SCMH1: variants seen among roughly 807,000 people sequenced by gnomAD.
SCMH1 encodes polycomb protein SCMH1.
A neutral mutation model predicts 70.8 loss-of-function variants in SCMH1; 37 were observed. That is an observed-to-expected ratio of 0.52 (90% CI 0.40 to 0.69). The LOEUF (loss-of-function observed/expected upper bound fraction) is 0.69, where lower values mean the gene tolerates loss of function less well. Among genes scored for constraint, SCMH1 ranks in the 30% least tolerant of loss-of-function variants. SCMH1 has a pLI of 0.00. For synonymous variants in SCMH1, 292 were observed against 307.4 expected (o/e 0.95, Z 0.52); for missense variants, 607 against 827.3 (o/e 0.73, Z 3.27).
rs191967048 is a variant in SCMH1 at position 41,192,062 on chromosome 1, G to A, written c.-117-5812C>T. ...CTTTCTGGTCTCATCAAGGTTAAAC[G>A]CAATGACTGACTATATAATGTATCT... On this transcript the variant is annotated intron_variant, in intron 1 of 14. Coordinates refer to ENST00000337495, the Ensembl canonical transcript of SCMH1. Among the ~76,000 whole-genome samples, 11 of 152,164 alleles carry A rather than the reference G, an allele frequency of 7.2e-5. No homozygotes were observed. The East Asian group carries it at 1.5e-3, about 21-fold the overall frequency.
In SCMH1 at chr1:41,211,261, C is replaced by T. The variant is rs150985812; in HGVS notation, c.-117-25011G>A. ...AGAATGGGAGAAAATTTCTGCAATC[C>T]GTCCATCTGACAAAGGGCTAATATA... On this transcript the variant is annotated intron_variant, in intron 1 of 14. Coordinates refer to ENST00000337495, the Ensembl canonical transcript of SCMH1. Among the ~76,000 whole-genome samples the T allele has an allele frequency of 8.7e-3, 1,320 of 152,190 alleles. 20 individuals carry two copies. The highest frequency in any genetic ancestry group is 0.029 in the African/African-American group (1,189 of 41,490).
intron 1 of SCMH1, among the ~76,000 whole-genome samples, chr1:41,220,574 T>C (rs1450996645): frequency 6.6e-6 from 1 of 152,178 alleles, no homozygotes; most frequent in Non-Finnish European, 1.5e-5. Flanking sequence ...CTCACCTGGA[T>C]AGGAAACGAG....
chr1:41,073,542 G>A (rs1177632448), intron 9 of SCMH1, among the ~76,000 whole-genome samples: 3 of 152,114 alleles, frequency 2.0e-5, no homozygotes, highest in African/African-American at 7.2e-5. Flanking sequence ...TGTTACACAG[G>A]AAGATCAGGA....
chr1:41,219,757 G>A (rs745483662), intron 1 of SCMH1, among the ~76,000 whole-genome samples: 4 of 151,926 alleles, frequency 2.6e-5, no homozygotes, highest in Admixed American at 6.6e-5. Context: ...CGGCGAAACC[G>A]TCCCTACTAA....
chr1:41,212,867 CTCTG>C (rs1299953396), intron 1 of SCMH1, among the ~76,000 whole-genome samples: 2 of 151,808 alleles, frequency 1.3e-5, no homozygotes, highest in African/African-American at 2.4e-5. Flanking sequence ...CAAAGTGAGA[CTCTG>C]TCTGGAGGGA....
chr1:41,074,742 A>G (rs961884580), intron 9 of SCMH1, among the ~76,000 whole-genome samples: 1 of 152,172 alleles, frequency 6.6e-6, no homozygotes, highest in African/African-American at 2.4e-5. Flanking sequence ...ACCAACTCTC[A>G]GGTAAGTAGC....
chr1:41,087,982 G>A (rs1662254083), intron 8 of SCMH1, among the ~76,000 whole-genome samples: 1 of 109,052 alleles, frequency 9.2e-6, no homozygotes. Context: ...TTATGCAATG[G>A]TAGCATTATT....
At chr1:41,199,209 T>C (rs1416619069) in intron 1 of SCMH1, among the ~76,000 whole-genome samples, 2 of 152,190 alleles carry the variant, frequency 1.3e-5, no homozygotes, top group Non-Finnish European at 2.9e-5. Context: ...ATCATAAGTA[T>C]ACAAGCTTAG....
chr1:41,129,313 C>T (rs1197606649), intron 6 of SCMH1, among the ~76,000 whole-genome samples: 1 of 152,138 alleles, frequency 6.6e-6, no homozygotes, highest in African/African-American at 2.4e-5. Flanking sequence ...AGGACATTTT[C>T]ATTTTCCCCA....
intron 8 of SCMH1, among the ~76,000 whole-genome samples, chr1:41,099,626 A>G (rs1034343738): frequency 6.6e-6 from 1 of 152,190 alleles, no homozygotes; most frequent in African/African-American, 2.4e-5. Flanking sequence ...AACCTCTTTA[A>G]GTTATGGGTT....
chr1:41,175,031 C>T (rs192186238), intron 2 of SCMH1, among the ~76,000 whole-genome samples: 79 of 152,282 alleles, frequency 5.2e-4, no homozygotes, highest in African/African-American at 1.9e-3. Context: ...GAGTTGAAAA[C>T]GAGTACTTGT....
chr1:41,069,411 T>G (rs1051764273), intron 10 of SCMH1, among the ~76,000 whole-genome samples: 10 of 152,210 alleles, frequency 6.6e-5, no homozygotes, highest in African/African-American at 2.2e-4. Flanking sequence ...TGATTGCCCC[T>G]GGGGAATAGT....
intron 10 of SCMH1, among the ~76,000 whole-genome samples, chr1:41,060,640 T>C (rs539362767): frequency 2.0e-5 from 3 of 152,200 alleles, no homozygotes; most frequent in Admixed American, 6.5e-5. Flanking sequence ...TTATGACCTT[T>C]TTTTAAATTT....
At chr1:41,035,976 C>T (rs1645242486) in intron 13 of SCMH1, among the ~76,000 whole-genome samples, 2 of 152,192 alleles carry the variant, frequency 1.3e-5, no homozygotes, top group South Asian at 4.1e-4. Flanking sequence ...TCTCTGTAGT[C>T]CTGGCCACCA....
intron 1 of SCMH1, among the ~76,000 whole-genome samples, chr1:41,236,741 A>G (rs892241804): frequency 1.3e-5 from 2 of 151,990 alleles, no homozygotes; most frequent in African/African-American, 4.8e-5. Context: ...AGATTATAAA[A>G]CCTAACACAA....
Position 41,113,547 on chromosome 1 carries a change from T to C in SCMH1, c.502-21A>G, listed in dbSNP as rs1669738717. ...GGCTCCTAGATGAGAAACAGAAACATACACACCTAGACACAAAGAGAGGCC... is the reference window on the plus strand; with the variant it reads ...GGCTCCTAGATGAGAAACAGAAACACACACACCTAGACACAAAGAGAGGCC... On this transcript the variant is annotated intron_variant, in intron 7 of 14. Transcript: ENST00000337495. This position sits in a 1 kb window ranked among gnomAD's most constrained non-coding sequence, Gnocchi z 4.3. 3.1e-6 allele frequency: 5 copies of C among 1,605,476 alleles called. No homozygotes were observed. Among genetic ancestry groups the C allele is most frequent in the Non-Finnish European group, 4.3e-6 (5 of 1,176,096 alleles).
intron 6 of SCMH1, among the ~76,000 whole-genome samples, chr1:41,119,470 G>A (rs1159083459): frequency 3.3e-5 from 5 of 149,276 alleles, no homozygotes; most frequent in South Asian, 2.1e-4. Context: ...AAACCCCACC[G>A]TAACTCCACA....
At chr1:41,181,502 G>GA (rs1156297672) in intron 2 of SCMH1, among the ~76,000 whole-genome samples, 8 of 151,970 alleles carry the variant, frequency 5.3e-5, no homozygotes, top group Non-Finnish European at 1.2e-4. Context: ...AAATTTACAA[G>GA]AAAAAAACAC....
At chr1:41,127,457 A>AT (rs1008249586) in intron 6 of SCMH1, among the ~76,000 whole-genome samples, 4 of 152,090 alleles carry the variant, frequency 2.6e-5, no homozygotes, top group Admixed American at 1.3e-4. Context: ...TTATATAGTC[A>AT]TTTTTTTACA....
Sources: allele counts gnomAD v4.1 joint callset (sites outside exome capture counted in the v4.1 genomes callset), GRCh38; gene constraint gnomAD v4.1.1; non-coding constraint Gnocchi (gnomAD v3.1); transcripts MANE v1.5; gene names NCBI Gene and HGNC (gene_info 2026-07-23, HGNC 2026-07-21).